The following DOCK10 variants were observed in gnomAD, a reference collection of about 807,000 sequenced individuals.
The protein encoded by DOCK10 is dedicator of cytokinesis 10, also known as dedicator of cytokinesis protein 10.
A neutral mutation model predicts 280.1 loss-of-function variants in DOCK10; 145 were observed. The observed-to-expected ratio is 0.52, with a 90% CI of 0.45 to 0.59. DOCK10 has a LOEUF of 0.59. Ranked by LOEUF, DOCK10 falls within the 20% of genes least tolerant of loss-of-function variation. DOCK10 has a pLI of 0.00. For missense variants in DOCK10, 2,368 were observed against 2,651.7 expected, an observed-to-expected ratio of 0.89 and a Z score of 2.35; for synonymous variants, 915 against 942.2, an observed-to-expected ratio of 0.97 and a Z score of 0.53.
At chr2:224,934,045 C>T (rs2126034486) in intron 1 of DOCK10, among the ~76,000 whole-genome samples, 1 of 152,252 alleles carries the variant, frequency 6.6e-6, no homozygotes, top group South Asian at 2.1e-4. Flanking sequence ...ATTAATAAAA[C>T]CACAGAGAAA....
intron 44 of DOCK10, among the ~76,000 whole-genome samples, chr2:224,795,477 T>A (rs1010711979): frequency 6.6e-6 from 1 of 152,252 alleles, no homozygotes; most frequent in East Asian, 1.9e-4. Context: ...CAAGCTACAG[T>A]GATTGGTTTA....
intron 1 of DOCK10, among the ~76,000 whole-genome samples, chr2:225,035,031 CA>C (rs1690183887): frequency 6.6e-6 from 1 of 152,154 alleles, no homozygotes; most frequent in African/African-American, 2.4e-5. Context: ...GTGGGAAATT[CA>C]AGAGCCCAAT....
rs771118606 is a variant in DOCK10 at position 224,770,305 on chromosome 2, C to T, written c.6350G>A (p.Arg2117His). The T allele has an allele frequency of 9.3e-6, 15 of 1,607,372 alleles. No homozygotes were observed. The highest frequency in any genetic ancestry group is 3.4e-5 in the Admixed American group (2 of 58,990). ...ACGQALDVNERLIKEDQLEYQ... is the reference protein window; with the variant it reads ...ACGQALDVNEHLIKEDQLEYQ... The stretch of plus-strand genomic sequence containing the variant: ...CTCCAGCTGGTCCTCTTTGATGAGG[C>T]GCTCATTCACGTCAAGGGCCTGCCC... The change falls in exon 55 of 56, where the codon CGC becomes CAC. Residue 2117 changes from arginine (R) to histidine (H), a missense_variant. By Grantham distance (29) the Arg-to-His change is conservative. Coordinates refer to ENST00000258390, the MANE Select transcript of DOCK10 (RefSeq NM_014689.3). This position sits in a 1 kb window ranked among gnomAD's most constrained non-coding sequence, Gnocchi z 4.5.
At chr2:224,842,972 G>A (rs564168035) in intron 22 of DOCK10, among the ~76,000 whole-genome samples, 2 of 152,194 alleles carry the variant, frequency 1.3e-5, no homozygotes, top group Non-Finnish European at 2.9e-5. Flanking sequence ...AGTGACAACT[G>A]AGCTAAGATC....
At chr2:224,983,631 G>C (rs1273324168) in intron 1 of DOCK10, 2 of 359,834 alleles carry the variant, frequency 5.6e-6, no homozygotes, top group Admixed American at 3.4e-5. Flanking sequence ...TGCTTTCGCG[G>C]AAGCATCTAG....
chr2:224,824,969 C>T (rs1372342409), intron 27 of DOCK10, among the ~76,000 whole-genome samples: 2 of 147,350 alleles, frequency 1.4e-5, no homozygotes, highest in South Asian at 2.1e-4. Context: ...CTGGTTTAGG[C>T]TGGCTTCTAT....
intron 1 of DOCK10, among the ~76,000 whole-genome samples, chr2:225,001,430 C>T (rs1212732008): frequency 2.6e-5 from 4 of 151,862 alleles, no homozygotes; most frequent in African/African-American, 7.3e-5. Context: ...GCTGGGACTA[C>T]AGGTGCCCGC....
At chr2:224,983,673 T>A (rs412120) in intron 1 of DOCK10, 77,144 of 441,546 alleles carry the variant, frequency 0.17, 7,602 homozygotes, top group Admixed American at 0.27. Flanking sequence ...AATTGCTCAG[T>A]AATCTGTCAC....
intron 1 of DOCK10, among the ~76,000 whole-genome samples, chr2:224,973,575 G>A (rs1187690986): frequency 6.6e-6 from 1 of 152,080 alleles, no homozygotes; most frequent in Non-Finnish European, 1.5e-5. Context: ...CCCGAGAAAG[G>A]AATGCAGCTC....
At chr2:224,981,675 T>C (rs1317001842) in intron 1 of DOCK10, among the ~76,000 whole-genome samples, 1 of 152,228 alleles carries the variant, frequency 6.6e-6, no homozygotes, top group Non-Finnish European at 1.5e-5. Flanking sequence ...ACACTATGCA[T>C]TCTACAAAAT....
At chr2:225,039,527 AGT>A (rs35770614) in intron 1 of DOCK10, among the ~76,000 whole-genome samples, 23,423 of 152,090 alleles carry the variant, frequency 0.15, 2,494 homozygotes, top group Non-Finnish European at 0.21. Context: ...TACTACATAC[AGT>A]GCTTTGGGTA....
In DOCK10 at chr2:224,931,606, C is replaced by CT; in HGVS notation, c.185dup (p.Thr63AspfsTer5). On this transcript the variant is annotated frameshift_variant, in exon 2 of 56. Transcript: ENST00000258390. LOFTEE classifies it high-confidence loss of function. ...CTTGAAGAGGATCATTCCGGTAGGTCTTTTCAAGTTCTTCAATGACAGTCT... is the reference window on the plus strand; with the variant it reads ...CTTGAAGAGGATCATTCCGGTAGGTCTTTTTCAAGTTCTTCAATGACAGTCT... The CT allele has an allele frequency of 6.2e-7, 1 of 1,612,058 alleles. No homozygotes were observed. Among genetic ancestry groups the CT allele is most frequent in the Non-Finnish European group, 8.5e-7 (1 of 1,179,064 alleles).
At chr2:224,788,784 A>T (rs1691935275) in intron 48 of DOCK10, among the ~76,000 whole-genome samples, 1 of 152,226 alleles carries the variant, frequency 6.6e-6, no homozygotes. Flanking sequence ...CGCAAAATTT[A>T]GCATCCCTTA....
At chr2:225,014,503 T>G (rs1038198233) in intron 1 of DOCK10, among the ~76,000 whole-genome samples, 12 of 152,282 alleles carry the variant, frequency 7.9e-5, no homozygotes, top group Admixed American at 7.2e-4. Context: ...ACATTTATTG[T>G]GATTAATTAT....
chr2:225,029,157 CTATTT>C (rs1302109571), intron 1 of DOCK10, among the ~76,000 whole-genome samples: 1 of 152,120 alleles, frequency 6.6e-6, no homozygotes, highest in African/African-American at 2.4e-5. Context: ...CAGTTTCCTT[CTATTT>C]TATTTTATTT....
intron 1 of DOCK10, among the ~76,000 whole-genome samples, chr2:224,953,238 T>C (rs531561566): frequency 6.6e-6 from 1 of 152,392 alleles, no homozygotes; most frequent in South Asian, 2.1e-4. Flanking sequence ...TGTTGAGCTT[T>C]TTGGCATTTG....
chr2:225,022,120 T>C (rs185643223), intron 1 of DOCK10, among the ~76,000 whole-genome samples: 2 of 152,318 alleles, frequency 1.3e-5, no homozygotes, highest in Admixed American at 1.3e-4. Context: ...AATATTCTAA[T>C]ATTCATGCAT....
intron 3 of DOCK10, among the ~76,000 whole-genome samples, chr2:224,904,853 A>G (rs116223623): frequency 6.6e-6 from 1 of 152,354 alleles, no homozygotes; most frequent in African/African-American, 2.4e-5. Context: ...TATTTTAACT[A>G]TAAAAGTAAA....
Position 224,805,235 on chromosome 2 carries a change from A to T in DOCK10, c.4022T>A (p.Phe1341Tyr), listed in dbSNP as rs376223850. The T allele has an allele frequency of 8.1e-5, 131 of 1,612,336 alleles. No individual in the cohort carries two copies. The highest frequency in any genetic ancestry group is 6.6e-4 in the Middle Eastern group (4 of 6,072). Residue 1341 changes from phenylalanine to tyrosine, a missense_variant, in exon 36 of 56, where the codon TTT (phenylalanine) becomes TAT (tyrosine). This residue lies in a region of DOCK10 where 1,159 missense variants were observed against 1,400.8 expected (regional missense o/e 0.83). Transcript: ENST00000258390. This position sits in a 1 kb window ranked among gnomAD's most constrained non-coding sequence, Gnocchi z 4.3. ...QAETRSLLMCFLHIMKTISYE... is the reference protein window; with the variant it reads ...QAETRSLLMCYLHIMKTISYE... The stretch of plus-strand genomic sequence containing the variant: ...CGAAATCGTTTTCATAATGTGAAGA[A>T]AACACATCAGGAGACTCCTGGTTTC...
Sources: allele counts gnomAD v4.1 joint callset (sites outside exome capture counted in the v4.1 genomes callset), GRCh38; gene constraint gnomAD v4.1.1; regional missense constraint gnomAD v4.1.1; non-coding constraint Gnocchi (gnomAD v3.1); transcripts MANE v1.5; gene names NCBI Gene and HGNC (gene_info 2026-07-23, HGNC 2026-07-21).